The following RDX variants were observed in gnomAD, a reference collection of about 807,000 sequenced individuals.
RDX encodes the protein deafness, autosomal recessive 24.
A neutral mutation model predicts 83.7 loss-of-function variants in RDX; 32 were observed. The observed-to-expected ratio is 0.38, with a 90% confidence interval of 0.29 to 0.51. The LOEUF (loss-of-function observed/expected upper bound fraction) is 0.51, where lower values mean the gene tolerates loss of function less well. RDX is among the 20% of genes least tolerant of loss of function. The probability of loss-of-function intolerance (pLI) is 0.87; values close to 1 mark genes in which losing one functional copy is unlikely to be tolerated. For synonymous variants in RDX, 229 were observed against 222.7 expected, an observed-to-expected ratio of 1.03 and a Z score of -0.25; for missense variants, 600 against 689.9, an observed-to-expected ratio of 0.87 and a Z score of 1.46.
chr11:110,177,659 G>GT (rs1862802734), intron 15 of RDX, among the ~76,000 whole-genome samples: 1 of 151,986 alleles, frequency 6.6e-6, no homozygotes, highest in Admixed American at 6.6e-5. Context: ...ATGTGTGTGT[G>GT]TTTTTGGTAG....
chr11:110,200,420 C>T (rs1208547519), intron 14 of RDX: 1 of 152,346 alleles, frequency 6.6e-6, no homozygotes, highest in East Asian at 1.9e-4. Flanking sequence ...ATTAACTTGA[C>T]AAAGAAACTG....
Position 110,230,075 on chromosome 11 carries a change from T to G in RDX, c.*1794A>C, listed in dbSNP as rs1186877893. 6.6e-6 allele frequency: 1 copy of G among 152,572 alleles called. No homozygotes were observed. The allele number at this position is 152,572 out of a possible 1,614,324, so 9.5% of individuals were successfully genotyped here. On this transcript the variant is annotated 3_prime_UTR_variant, in exon 14 of 14. Coordinates refer to ENST00000645495, the MANE Select transcript of RDX (RefSeq NM_002906.4). ...CAAAAAATATATTAAACGCAACCTT[T>G]CTTTTACATAATGTCTGCCCAGATT... is the stretch of plus-strand genomic sequence containing the variant.
chr11:110,245,952 T>G (rs1464338275), intron 10 of RDX, among the ~76,000 whole-genome samples: 1 of 152,184 alleles, frequency 6.6e-6, no homozygotes, highest in Non-Finnish European at 1.5e-5. Context: ...ATATAGATAT[T>G]TCATTTTTTT....
chr11:110,276,314 T>C (rs1244149321), intron 2 of RDX, among the ~76,000 whole-genome samples: 1 of 152,194 alleles, frequency 6.6e-6, no homozygotes, highest in Non-Finnish European at 1.5e-5. Context: ...CTGTCACAAA[T>C]CAAGTATCTG....
At chr11:110,205,960 C>T (rs1262001554) in intron 14 of RDX, among the ~76,000 whole-genome samples, 2 of 151,964 alleles carry the variant, frequency 1.3e-5, no homozygotes, top group East Asian at 1.9e-4. Flanking sequence ...AAAAAATACT[C>T]GTAACAATCC....
intron 3 of RDX, among the ~76,000 whole-genome samples, chr11:110,267,756 G>C (rs1050888384): frequency 2.0e-5 from 3 of 150,676 alleles, no homozygotes; most frequent in African/African-American, 7.3e-5. Flanking sequence ...AGGAGTTTCA[G>C]AACAGCCTGG....
In RDX at chr11:110,202,022, C is replaced by T. The variant is rs185102696; in HGVS notation, c.1749-2344G>A. 6.7e-3 allele frequency among the ~76,000 whole-genome samples: 1,022 copies of T among 151,840 alleles called. 20 individuals are homozygous for T. The highest frequency in any genetic ancestry group is 0.022 in the African/African-American group (906 of 41,444). The stretch of plus-strand genomic sequence containing the variant: ...TCTCAAACTCCTGACTTAGGTAATC[C>T]GCCCGCCTTGGCCTCCCAAAGTTCT... On this transcript the variant is annotated intron_variant, in intron 14 of 15. Coordinates refer to the RDX transcript ENST00000528498.
At chr11:110,242,410 G>A (rs1013038790) in intron 10 of RDX, among the ~76,000 whole-genome samples, 1 of 149,472 alleles carries the variant, frequency 6.7e-6, no homozygotes, top group African/African-American at 2.5e-5. Flanking sequence ...CTCCAGCCTA[G>A]GGGACAAGAG....
At chr11:110,186,717 G>A (rs977063150) in intron 15 of RDX, among the ~76,000 whole-genome samples, 1 of 152,102 alleles carries the variant, frequency 6.6e-6, no homozygotes, top group South Asian at 2.1e-4. Context: ...GGCCAAGGGA[G>A]AGCATTTCAT....
chr11:110,262,580 T>A (rs559090889), intron 5 of RDX, among the ~76,000 whole-genome samples: 3 of 133,322 alleles, frequency 2.3e-5, no homozygotes, highest in Non-Finnish European at 4.8e-5. Flanking sequence ...AGAGCAAGAC[T>A]CCATCTCAAA....
At chr11:110,271,204 AAAC>A (rs1309697692) in intron 3 of RDX, among the ~76,000 whole-genome samples, 2 of 152,268 alleles carry the variant, frequency 1.3e-5, no homozygotes, top group African/African-American at 4.8e-5. Flanking sequence ...TCAGGAGAAT[AAAC>A]AACTTTAGAG....
intron 10 of RDX, among the ~76,000 whole-genome samples, chr11:110,238,386 A>T (rs935984990): frequency 4.6e-5 from 7 of 152,124 alleles, no homozygotes; most frequent in East Asian, 1.9e-4. Flanking sequence ...TTTTTAAGAG[A>T]GTTTAACAGT....
chr11:110,179,426 G>A (rs899295795), intron 15 of RDX, among the ~76,000 whole-genome samples: 8 of 152,162 alleles, frequency 5.3e-5, no homozygotes, highest in African/African-American at 1.9e-4. Flanking sequence ...CATCTTCCCA[G>A]TTCCACTTGT....
chr11:110,257,756 A>G lies in RDX; in HGVS notation c.698+11T>C. ...ACAATGACTAGTTCACTATGCAACTAATTTACTTACTTGTCGTCATGCTCA... is the reference window on the plus strand; with the variant it reads ...ACAATGACTAGTTCACTATGCAACTGATTTACTTACTTGTCGTCATGCTCA... On this transcript the variant is annotated intron_variant, in intron 7 of 13. Transcript: ENST00000645495. 6.2e-7 allele frequency: 1 copy of G among 1,611,344 alleles called. No individual in the cohort carries two copies. The highest frequency in any genetic ancestry group is 1.3e-5 in the African/African-American group (1 of 74,964).
chr11:110,253,820 T>C (rs1859433334), intron 9 of RDX, 126 bp downstream of exon 9: 1 of 842,504 alleles, frequency 1.2e-6, no homozygotes, highest in African/African-American at 1.7e-5. Flanking sequence ...AATACTGTCT[T>C]TGAATTTTAA....
intron 1 of RDX, among the ~76,000 whole-genome samples, chr11:110,293,196 A>T (rs974120169): frequency 1.3e-5 from 2 of 152,196 alleles, no homozygotes; most frequent in African/African-American, 2.4e-5. Context: ...AAGGGATATA[A>T]AGTATATGTT....
chr11:110,222,885 A>G lies in RDX; in HGVS notation c.1748+8988T>C, dbSNP rs562697638. On this transcript the variant is annotated intron_variant, in intron 14 of 15. Coordinates refer to the RDX transcript ENST00000528498. ...AAACGACTACTTTTAAAAGATGTTAATATTTCTTGAAAAATGACAAGCAGT... is the reference window on the plus strand; with the variant it reads ...AAACGACTACTTTTAAAAGATGTTAGTATTTCTTGAAAAATGACAAGCAGT... Among the ~76,000 whole-genome samples, 13 of 152,370 alleles carry G rather than the reference A, an allele frequency of 8.5e-5. No individual in the cohort carries two copies. In the South Asian group the frequency reaches 2.5e-3, roughly 29 times the overall value.
intron 3 of RDX, among the ~76,000 whole-genome samples, chr11:110,265,075 C>CTTTT (rs59010580): frequency 1.8e-5 from 2 of 110,544 alleles, no homozygotes; most frequent in Non-Finnish European, 4.0e-5. Flanking sequence ...CTCAATTTTT[C>CTTTT]TTTTTTTTTT....
rs942073115 is a variant in RDX, at chr11:110,236,405, T to A, written c.1252-214A>T. 1.8e-5 allele frequency: 9 copies of A among 503,930 alleles called. No individual in the cohort carries two copies. In the Admixed American group the frequency reaches 2.1e-4, roughly 12 times the overall value. The allele number at this position is 503,930 out of a possible 1,614,324, so 31.2% of individuals were successfully genotyped here. ...GACAAAATTAAAAAATTACTATTAT[T>A]CTACAGACTAGTTAATCCTGCTTTC... On this transcript the variant is annotated intron_variant, in intron 11 of 13. Coordinates refer to ENST00000645495, the MANE Select transcript of RDX (RefSeq NM_002906.4).
Sources: gnomAD v4.1 joint callset for allele counts (sites outside exome capture counted in the v4.1 genomes callset) on GRCh38, gnomAD v4.1.1 for gene constraint, MANE v1.5 for transcripts, NCBI Gene and HGNC (gene_info 2026-07-23, HGNC 2026-07-21) for gene names.